PCDHA1: variants seen among roughly 807,000 people sequenced by gnomAD.
PCDHA1 encodes protocadherin alpha 1, also known as protocadherin alpha-1.
In PCDHA1, 42 loss-of-function variants were observed where a neutral mutation model predicts 61.3. That is an observed-to-expected ratio of 0.69 (90% confidence interval 0.54 to 0.89). The LOEUF (loss-of-function observed/expected upper bound fraction) is 0.89. Among genes scored for constraint, PCDHA1 ranks in the 40% least tolerant of loss-of-function variants. PCDHA1 has a pLI of 0.00. For synonymous variants in PCDHA1, 610 were observed against 553.8 expected (o/e 1.10, Z -1.43); for missense variants, 1,256 against 1,235.3 (o/e 1.02, Z -0.25).
At chr5:140,940,572 C>G (rs1315567614) in intron 1 of PCDHA1, among the ~76,000 whole-genome samples, 1 of 152,096 alleles carries the variant, frequency 6.6e-6, no homozygotes, top group African/African-American at 2.4e-5. Context: ...CCTTGGCTCC[C>G]AAAGTGTTGG....
chr5:140,928,252 G>A (rs1377533547), intron 1 of PCDHA1: 3 of 1,614,206 alleles, frequency 1.9e-6, no homozygotes, highest in East Asian at 2.2e-5. Flanking sequence ...GGAACTTTTC[G>A]TTGCTGAAAA....
In PCDHA1 at chr5:140,869,025, C is replaced by A. The variant is rs1424812323; in HGVS notation, c.2394+80341C>A. 7 of 1,525,592 alleles carry A rather than the reference C, an allele frequency of 4.6e-6. No homozygotes were observed. In the East Asian group the frequency reaches 1.4e-4, roughly 30 times the overall value. The allele number at this position is 1,525,592 out of a possible 1,614,324, so 94.5% of individuals were successfully genotyped here. ...CCTTTGAAACTTCTTAAGAATTCAA[C>A]GAGATTTTTAACCTGAAACTGAAGA... On this transcript the variant is annotated intron_variant, in intron 1 of 3. Transcript: ENST00000504120.
chr5:140,797,962 C>T (rs1762283254), intron 1 of PCDHA1, among the ~76,000 whole-genome samples: 1 of 152,142 alleles, frequency 6.6e-6, no homozygotes, highest in South Asian at 2.1e-4. Context: ...AAGTGATTGT[C>T]TTGCCTCAGC....
intron 1 of PCDHA1, chr5:140,849,883 T>A (rs2150456208): frequency 6.3e-7 from 1 of 1,598,406 alleles, no homozygotes; most frequent in Non-Finnish European, 8.6e-7. Context: ...TACACGGTGT[T>A]CGTGAAGGAG....
intron 1 of PCDHA1, among the ~76,000 whole-genome samples, chr5:140,893,560 T>C (rs964266537): frequency 4.6e-5 from 7 of 152,232 alleles, no homozygotes; most frequent in Admixed American, 4.6e-4. Flanking sequence ...AGTTGTAGTG[T>C]ACTTCCTCAG....
Position 140,857,690 on chromosome 5 carries a change from T to G in PCDHA1, c.2394+69006T>G, listed in dbSNP as rs184684054. On this transcript the variant is annotated intron_variant, in intron 1 of 3. Transcript: ENST00000504120. ...GGGCGTGCCGCCTCTGGGCAGCAAC[T>G]TGACGCTGCAGGTGTTCGTGCTGGA... 2.4e-3 allele frequency: 3,841 copies of G among 1,597,044 alleles called. 312 individuals are homozygous for G. In the African/African-American group the frequency reaches 0.036, roughly 15 times the overall value.
At chr5:140,825,158 G>A (rs1302823114) in intron 1 of PCDHA1, 2 of 151,148 alleles carry the variant, frequency 1.3e-5, no homozygotes, top group East Asian at 3.9e-4. Flanking sequence ...TTTTAATCTT[G>A]CTTTTTTCAT....
chr5:140,802,553 G>A (rs782349098), intron 1 of PCDHA1: 4 of 1,614,068 alleles, frequency 2.5e-6, no homozygotes, highest in South Asian at 1.1e-5. Context: ...ACGACAATGC[G>A]CCGGCATTCT....
intron 1 of PCDHA1, chr5:140,836,251 G>A: frequency 6.2e-7 from 1 of 1,613,786 alleles, no homozygotes; most frequent in South Asian, 1.1e-5. Flanking sequence ...ATCCCGTTCC[G>A]CGTGGGGCTG....
chr5:140,914,076 T>C (rs2076593853), intron 1 of PCDHA1, among the ~76,000 whole-genome samples: 1 of 152,218 alleles, frequency 6.6e-6, no homozygotes, highest in Non-Finnish European at 1.5e-5. Context: ...TCCATAACTA[T>C]CTATTAGGTC....
chr5:140,877,014 C>A lies in PCDHA1; in HGVS notation c.2394+88330C>A, dbSNP rs559122507. On this transcript the variant is annotated intron_variant, in intron 1 of 3. Coordinates refer to ENST00000504120, the MANE Select transcript of PCDHA1 (RefSeq NM_018900.4). ...GCTACGTGTCGGTGCACGCGGAGAG[C>A]GGCAAGGTGTACGCGCTGCAGCCGC... is the stretch of plus-strand genomic sequence containing the variant. 5 of 1,612,440 alleles carry A rather than the reference C, an allele frequency of 3.1e-6. No homozygotes were observed. In the African/African-American group the frequency reaches 4.0e-5, roughly 13 times the overall value.
chr5:140,877,547 C>T lies in PCDHA1; in HGVS notation c.2394+88863C>T, dbSNP rs782342116. ...GTGGGCGCTGTGGATCCCGAAGCGG[C>T]TCTGGTGGATATTAACGTGTACCTC... On this transcript the variant is annotated intron_variant, in intron 1 of 3. Transcript: ENST00000504120. The T allele has an allele frequency of 2.5e-6, 4 of 1,613,656 alleles. No individual in the cohort carries two copies. The highest frequency in any genetic ancestry group is 1.3e-5 in the African/African-American group (1 of 74,930).
intron 1 of PCDHA1, among the ~76,000 whole-genome samples, chr5:140,894,629 T>C (rs1406335031): frequency 6.6e-6 from 1 of 152,036 alleles, no homozygotes; most frequent in African/African-American, 2.4e-5. Flanking sequence ...TCTTCTCCAA[T>C]CATATCATTA....
chr5:140,846,891 T>A (rs1554141528), intron 1 of PCDHA1, among the ~76,000 whole-genome samples: 1 of 149,346 alleles, frequency 6.7e-6, no homozygotes, highest in Non-Finnish European at 1.5e-5. Flanking sequence ...CAGAATGACG[T>A]TGAAGTTGAA....
chr5:140,801,932 G>A (rs782471663), intron 1 of PCDHA1: 14 of 1,614,160 alleles, frequency 8.7e-6, no homozygotes, highest in Non-Finnish European at 1.2e-5. Context: ...TTGAGAGGAC[G>A]ATCTATAAAG....
At position 140,788,609 on chromosome 5, in the gene PCDHA1, C is replaced by T. The variant is rs140867111; in HGVS notation, c.2319C>T (p.Ser773=). The change falls in exon 1 of 4, where the codon AGC becomes AGT. Residue 773 remains serine, a synonymous_variant. Coordinates refer to ENST00000504120, the MANE Select transcript of PCDHA1 (RefSeq NM_018900.4). ...CCAAGACCGACCTCATGGCCTTCAG[C>T]CCAGGCCTATCTCCAAGTCTTAACA... is the stretch of plus-strand genomic sequence containing the variant. The part of the protein sequence containing the change: ...GPPKTDLMAF[S]PGLSPSLNTS... 1.6e-4 allele frequency: 253 copies of T among 1,614,030 alleles called. No individual in the cohort carries two copies. The African/African-American group carries it at 3.1e-3, about 20-fold the overall frequency.
At chr5:140,910,619 C>T (rs1554194336) in intron 1 of PCDHA1, among the ~76,000 whole-genome samples, 1 of 152,226 alleles carries the variant, frequency 6.6e-6, no homozygotes, top group Non-Finnish European at 1.5e-5. Context: ...TAATCCACTC[C>T]ACCATCCCAA....
At chr5:140,826,934 G>C (rs1192705662) in intron 1 of PCDHA1, among the ~76,000 whole-genome samples, 1 of 152,116 alleles carries the variant, frequency 6.6e-6, no homozygotes, top group East Asian at 1.9e-4. Flanking sequence ...GGACTTAGGT[G>C]GATGTGGAAT....
intron 1 of PCDHA1, chr5:140,836,635 C>A: frequency 1.2e-6 from 2 of 1,613,444 alleles, no homozygotes; most frequent in Non-Finnish European, 1.7e-6. Flanking sequence ...TGGTCATTCT[C>A]CCAGCAGAGG....
Sources: allele counts gnomAD v4.1 joint callset (sites outside exome capture counted in the v4.1 genomes callset), GRCh38; gene constraint gnomAD v4.1.1; transcripts MANE v1.5; gene names NCBI Gene and HGNC (gene_info 2026-07-23, HGNC 2026-07-21).